The following CNTNAP2 variants were observed in gnomAD, a reference collection of about 807,000 sequenced individuals.
CNTNAP2 encodes the protein contactin-associated protein-like 2.
CNTNAP2 carries 98 observed loss-of-function variants against 155.2 expected under a neutral mutation model. The ratio of observed to expected loss-of-function variants is 0.63; its 90% CI spans 0.54 to 0.75. The LOEUF is 0.75. CNTNAP2 is among the 30% of genes least tolerant of loss of function. The pLI is 0.00. For synonymous variants in CNTNAP2, 651 were observed against 631.2 expected (o/e 1.03, Z -0.47); for missense variants, 1,727 against 1,688.1 (o/e 1.02, Z -0.40).
rs553740338 is a variant in CNTNAP2, at chr7:147,271,495, G to A, written c.1349-28646G>A. Among the ~76,000 whole-genome samples, 6 of 152,258 alleles carry A rather than the reference G, an allele frequency of 3.9e-5. No individual in the cohort carries two copies. In the East Asian group the frequency reaches 9.7e-4, roughly 25 times the overall value. On this transcript the variant is annotated intron_variant, in intron 8 of 23. Coordinates refer to ENST00000361727, the MANE Select transcript of CNTNAP2 (RefSeq NM_014141.6). Reference sequence around the variant, plus strand: ...ACATTATCCCTAATGCATGCTCTGTGTATTAGTCTGTTTTCACACTGCTGG... The same window carrying A: ...ACATTATCCCTAATGCATGCTCTGTATATTAGTCTGTTTTCACACTGCTGG...
At chr7:147,767,654 G>C (rs1797402914) in intron 13 of CNTNAP2, among the ~76,000 whole-genome samples, 1 of 151,992 alleles carries the variant, frequency 6.6e-6, no homozygotes, top group Non-Finnish European at 1.5e-5. Context: ...AAGACAGATG[G>C]AGGAGATTGG....
intron 12 of CNTNAP2, among the ~76,000 whole-genome samples, chr7:147,568,462 G>T (rs1420752615): frequency 6.6e-6 from 1 of 152,144 alleles, no homozygotes; most frequent in Non-Finnish European, 1.5e-5. Context: ...GTGCTGCACA[G>T]TTGATGACAT....
chr7:148,035,126 C>T (rs2710152), intron 15 of CNTNAP2, among the ~76,000 whole-genome samples: 54,110 of 152,118 alleles, frequency 0.36, 10,344 homozygotes, highest in East Asian at 0.75. Context: ...GATTTAAAGA[C>T]AGAACTTATA....
At chr7:146,705,689 G>A (rs903459562) in intron 1 of CNTNAP2, among the ~76,000 whole-genome samples, 3 of 152,170 alleles carry the variant, frequency 2.0e-5, no homozygotes, top group Admixed American at 6.5e-5. Context: ...CTTACATGGT[G>A]GCAGGCAAGA....
At chr7:146,793,603 A>G (rs993207788) in intron 2 of CNTNAP2, among the ~76,000 whole-genome samples, 1 of 152,240 alleles carries the variant, frequency 6.6e-6, no homozygotes, top group African/African-American at 2.4e-5. Context: ...AAAAGCAAGA[A>G]TGGCAGAGGC....
At chr7:146,606,847 G>A (rs866620798) in intron 1 of CNTNAP2, among the ~76,000 whole-genome samples, 8 of 152,170 alleles carry the variant, frequency 5.3e-5, no homozygotes, top group African/African-American at 1.9e-4. Context: ...CAGTCGGTGA[G>A]TGTCCCTGAT....
chr7:147,112,860 A>G (rs1394378539), intron 5 of CNTNAP2, among the ~76,000 whole-genome samples: 1 of 151,296 alleles, frequency 6.6e-6, no homozygotes. Flanking sequence ...TTGTTGTTGT[A>G]TATCCACCAG....
chr7:148,152,919 G>A (rs1805327502), intron 17 of CNTNAP2, among the ~76,000 whole-genome samples: 1 of 149,820 alleles, frequency 6.7e-6, no homozygotes, highest in South Asian at 2.1e-4. Context: ...TACTCGGGAG[G>A]CTGAGGCAGA....
intron 1 of CNTNAP2, among the ~76,000 whole-genome samples, chr7:146,624,620 T>C (rs150672208): frequency 1.5e-3 from 229 of 152,168 alleles, no homozygotes; most frequent in African/African-American, 5.2e-3. Flanking sequence ...TCCCTCATAG[T>C]TTTGATGACT....
intron 21 of CNTNAP2, among the ~76,000 whole-genome samples, chr7:148,369,181 C>CTTTTTTTTTTTTTT (rs376460265): frequency 9.8e-5 from 9 of 92,306 alleles, no homozygotes; most frequent in Admixed American, 1.7e-4. Context: ...AATTGAATCC[C>CTTTTTTTTTTTTTT]TTTTTTTTTT....
At chr7:146,254,068 A>C (rs771666043) in intron 1 of CNTNAP2, among the ~76,000 whole-genome samples, 1 of 151,918 alleles carries the variant, frequency 6.6e-6, no homozygotes, top group Non-Finnish European at 1.5e-5. Flanking sequence ...ACTCATAACA[A>C]AACAGAACAA....
chr7:147,352,179 A>G (rs1795977941), intron 9 of CNTNAP2, among the ~76,000 whole-genome samples: 1 of 151,964 alleles, frequency 6.6e-6, no homozygotes, highest in African/African-American at 2.4e-5. Flanking sequence ...TGAAATATGT[A>G]TATAATTTAT....
chr7:147,333,282 C>T (rs1455317398), intron 9 of CNTNAP2, among the ~76,000 whole-genome samples: 3 of 152,206 alleles, frequency 2.0e-5, no homozygotes, highest in Admixed American at 6.5e-5. Context: ...ATGGTGAGAA[C>T]TCTCGGCGTT....
intron 12 of CNTNAP2, among the ~76,000 whole-genome samples, chr7:147,622,039 G>A (rs1794867922): frequency 6.6e-6 from 1 of 151,934 alleles, no homozygotes; most frequent in Non-Finnish European, 1.5e-5. Context: ...AAGACACAAA[G>A]AAGGTCACTA....
intron 3 of CNTNAP2, among the ~76,000 whole-genome samples, chr7:146,935,622 C>G (rs1796898515): frequency 6.6e-6 from 1 of 152,172 alleles, no homozygotes; most frequent in African/African-American, 2.4e-5. Flanking sequence ...ACTTTAAAGG[C>G]TATAATTACA....
At chr7:147,562,563 A>T (rs1313033308) in intron 12 of CNTNAP2, among the ~76,000 whole-genome samples, 1 of 152,218 alleles carries the variant, frequency 6.6e-6, no homozygotes, top group Non-Finnish European at 1.5e-5. Context: ...AAGAACTAGT[A>T]ACCTAGATTA....
At chr7:146,833,757 C>T (rs951469098) in intron 2 of CNTNAP2, among the ~76,000 whole-genome samples, 7 of 152,150 alleles carry the variant, frequency 4.6e-5, no homozygotes, top group Non-Finnish European at 8.8e-5. Flanking sequence ...ACCAATATTC[C>T]GTAGTAGTCA....
intron 1 of CNTNAP2, among the ~76,000 whole-genome samples, chr7:146,697,496 C>A (rs141635317): frequency 2.3e-3 from 354 of 152,300 alleles, no homozygotes; most frequent in African/African-American, 8.0e-3. Context: ...TTCTCAGCCT[C>A]CCAAAGTGCG....
rs112296490 is a variant in CNTNAP2, at chr7:146,564,556, ATAT to A, written c.98-209711_98-209709del. Among the ~76,000 whole-genome samples the A allele has an allele frequency of 9.9e-3, 1,466 of 148,630 alleles. 13 individuals are homozygous for A. The highest frequency in any genetic ancestry group is 0.034 in the African/African-American group (1,400 of 40,932). On this transcript the variant is annotated intron_variant, in intron 1 of 23. Transcript: ENST00000361727. ...ATTATATAATGTAGTTTGCAAATAA[ATAT>A]TATATAATGCAACATGTAATATTAT...
Sources: allele counts gnomAD v4.1 joint callset (sites outside exome capture counted in the v4.1 genomes callset), GRCh38; gene constraint gnomAD v4.1.1; transcripts MANE v1.5; gene names NCBI Gene and HGNC (gene_info 2026-07-23, HGNC 2026-07-21).